VWA8: variants seen among roughly 807,000 people sequenced by gnomAD.
VWA8 encodes von Willebrand factor A domain containing 8, also known as von Willebrand factor A domain-containing protein 8.
A neutral mutation model predicts 241.5 loss-of-function variants in VWA8; 221 were observed. That is an observed-to-expected ratio of 0.91 (90% confidence interval 0.82 to 1.02). The LOEUF is 1.02. Among genes scored for constraint, VWA8 ranks in the 50% least tolerant of loss-of-function variants. The pLI, the probability that VWA8 is intolerant of heterozygous loss-of-function variation, is 0.00. For synonymous variants in VWA8, 852 were observed against 827.1 expected, an observed-to-expected ratio of 1.03 and a Z score of -0.52; for missense variants, 2,322 against 2,328.7, an observed-to-expected ratio of 1.00 and a Z score of 0.06.
intron 21 of VWA8, among the ~76,000 whole-genome samples, chr13:41,747,731 G>A (rs1262176037): frequency 6.6e-6 from 1 of 152,076 alleles, no homozygotes; most frequent in Non-Finnish European, 1.5e-5. Flanking sequence ...ATTGGCTGCG[G>A]GTTTGTCATA....
chr13:41,759,431 T>G (rs1032483908), intron 21 of VWA8, among the ~76,000 whole-genome samples: 3 of 151,698 alleles, frequency 2.0e-5, no homozygotes, highest in Non-Finnish European at 4.4e-5. Context: ...TGAAGTTCAT[T>G]GAGCTTCCTG....
chr13:41,727,145 ATAT>A, intron 24 of VWA8, 46 bp downstream of exon 24: 1 of 1,403,002 alleles, frequency 7.1e-7, no homozygotes, highest in Non-Finnish European at 9.7e-7. Flanking sequence ...AGTGTTACTA[ATAT>A]TATTATTACT....
At chr13:41,744,808 T>C (rs1037888946) in intron 21 of VWA8, among the ~76,000 whole-genome samples, 1 of 152,092 alleles carries the variant, frequency 6.6e-6, no homozygotes, top group African/African-American at 2.4e-5. Context: ...GTTCTAATAC[T>C]GACTTGTTTA....
intron 12 of VWA8, among the ~76,000 whole-genome samples, chr13:41,850,607 A>G (rs1872492346): frequency 6.6e-6 from 1 of 152,226 alleles, no homozygotes; most frequent in African/African-American, 2.4e-5. Context: ...CTGCAGAGTC[A>G]GGCACCAGGC....
intron 37 of VWA8, among the ~76,000 whole-genome samples, chr13:41,656,035 G>A (rs1487471207): frequency 6.6e-6 from 1 of 152,082 alleles, no homozygotes. Flanking sequence ...TAAGACTAAG[G>A]GAGTCATAAT....
intron 13 of VWA8, among the ~76,000 whole-genome samples, chr13:41,831,806 G>A (rs1871476162): frequency 6.6e-6 from 1 of 151,596 alleles, no homozygotes; most frequent in East Asian, 1.9e-4. Flanking sequence ...TTTTAATAGA[G>A]ACGGGGTTTC....
intron 15 of VWA8, 22 bp downstream of exon 15, chr13:41,819,196 C>CT (rs1451491418): frequency 6.3e-6 from 10 of 1,584,552 alleles, no homozygotes; most frequent in Non-Finnish European, 8.5e-6. Flanking sequence ...AGAAAATAGA[C>CT]TAAGATTGGC....
chr13:41,889,470 C>T (rs1454477818), intron 5 of VWA8, among the ~76,000 whole-genome samples: 2 of 151,956 alleles, frequency 1.3e-5, no homozygotes, highest in Non-Finnish European at 2.9e-5. Flanking sequence ...TCTCAGCCTC[C>T]TGGGTTCAAG....
At chr13:41,926,806 C>T (rs1235948774) in intron 2 of VWA8, 2 of 555,256 alleles carry the variant, frequency 3.6e-6, no homozygotes, top group African/African-American at 3.8e-5. Flanking sequence ...GTAAAGCTGC[C>T]AGAAACTAAC....
At chr13:41,861,451 G>A (rs1873002368) in intron 12 of VWA8, among the ~76,000 whole-genome samples, 1 of 152,058 alleles carries the variant, frequency 6.6e-6, no homozygotes, top group South Asian at 2.1e-4. Context: ...AGAAGTCCTA[G>A]CCAGAGTAAT....
chr13:41,676,223 G>T (rs1308647558), intron 35 of VWA8, among the ~76,000 whole-genome samples: 1 of 152,214 alleles, frequency 6.6e-6, no homozygotes, highest in Non-Finnish European at 1.5e-5. Flanking sequence ...GGTGTCAGTT[G>T]GACCGATTAT....
At chr13:41,800,688 G>A (rs570600448) in intron 17 of VWA8, among the ~76,000 whole-genome samples, 2 of 151,550 alleles carry the variant, frequency 1.3e-5, no homozygotes, top group African/African-American at 2.4e-5. Context: ...AGCTACTCGG[G>A]AGGCTGAGGC....
intron 9 of VWA8, among the ~76,000 whole-genome samples, chr13:41,881,931 G>T (rs1874234197): frequency 6.6e-6 from 1 of 150,902 alleles, no homozygotes. Context: ...CCCGGACGGG[G>T]TGGCTGCTGG....
intron 14 of VWA8, among the ~76,000 whole-genome samples, chr13:41,819,874 T>C (rs1229092181): frequency 6.6e-6 from 1 of 152,186 alleles, no homozygotes; most frequent in Non-Finnish European, 1.5e-5. Context: ...AAGGGTTAGA[T>C]TGAATTTAAA....
intron 37 of VWA8, among the ~76,000 whole-genome samples, chr13:41,661,299 A>G (rs898283491): frequency 6.6e-6 from 1 of 152,212 alleles, no homozygotes; most frequent in Non-Finnish European, 1.5e-5. Context: ...ATGGAGTTAT[A>G]TAGAGACAAA....
chr13:41,719,731 A>G lies in VWA8; in HGVS notation c.2976T>C (p.Thr992=). 6.2e-7 allele frequency: 1 copy of G among 1,606,744 alleles called. No homozygotes were observed. Among genetic ancestry groups the G allele is most frequent in the Non-Finnish European group, 8.5e-7 (1 of 1,177,676 alleles). The part of the protein sequence containing the change: ...NIVKHLQKFP[T]EGLSSVVRNV... ...TTCGAACTACACTGGAGAGACCTTCAGTCGGAAATTTCTGTATTAAAAAAA... is the reference window on the plus strand; with the variant it reads ...TTCGAACTACACTGGAGAGACCTTCGGTCGGAAATTTCTGTATTAAAAAAA... Residue 992 remains threonine, a synonymous_variant, in exon 26 of 45, where the codon ACT becomes ACC. Coordinates refer to ENST00000379310, the MANE Select transcript of VWA8 (RefSeq NM_015058.2).
At chr13:41,681,555 A>T (rs1161196235) in intron 35 of VWA8, among the ~76,000 whole-genome samples, 3 of 152,230 alleles carry the variant, frequency 2.0e-5, no homozygotes, top group African/African-American at 7.2e-5. Flanking sequence ...TTCAGAATAG[A>T]GATTACCTCT....
intron 17 of VWA8, among the ~76,000 whole-genome samples, chr13:41,790,128 A>G (rs899006692): frequency 4.6e-5 from 7 of 152,166 alleles, no homozygotes; most frequent in African/African-American, 1.7e-4. Flanking sequence ...GAATGAATGA[A>G]CAGAAAAGCC....
At chr13:41,632,865 G>T (rs537749733) in intron 37 of VWA8, among the ~76,000 whole-genome samples, 1 of 152,232 alleles carries the variant, frequency 6.6e-6, no homozygotes, top group East Asian at 1.9e-4. Flanking sequence ...AGTCACTATG[G>T]TTCAAAACTA....
Sources: allele counts gnomAD v4.1 joint callset (sites outside exome capture counted in the v4.1 genomes callset), GRCh38; gene constraint gnomAD v4.1.1; transcripts MANE v1.5; gene names NCBI Gene and HGNC (gene_info 2026-07-23, HGNC 2026-07-21).